PRDM5: variants seen among roughly 807,000 people sequenced by gnomAD.
The protein encoded by PRDM5 is PR/SET domain 5, also known as PR domain zinc finger protein 5.
A neutral mutation model predicts 81.2 loss-of-function variants in PRDM5; 56 were observed. The observed-to-expected ratio is 0.69, with a 90% confidence interval of 0.56 to 0.86. The LOEUF is 0.86. PRDM5 is among the 40% of genes least tolerant of loss of function. The pLI, the probability that PRDM5 is intolerant of heterozygous loss-of-function variation, is 0.00. For synonymous variants in PRDM5, 267 were observed against 256.4 expected, an observed-to-expected ratio of 1.04 and a Z score of -0.39; for missense variants, 697 against 770.1, an observed-to-expected ratio of 0.91 and a Z score of 1.12.
intron 15 of PRDM5, among the ~76,000 whole-genome samples, chr4:120,704,370 T>C (rs1426680569): frequency 2.6e-5 from 4 of 152,186 alleles, no homozygotes; most frequent in Non-Finnish European, 4.4e-5. Context: ...AAAAACTAGT[T>C]CAAGTAGTAC....
chr4:120,701,594 A>G (rs979852741), intron 15 of PRDM5, among the ~76,000 whole-genome samples: 2 of 152,176 alleles, frequency 1.3e-5, no homozygotes, highest in Non-Finnish European at 2.9e-5. Context: ...AAAACCAAAT[A>G]CTGCATATTC....
chr4:120,731,432 G>T (rs1245772964), intron 14 of PRDM5, among the ~76,000 whole-genome samples: 1 of 151,040 alleles, frequency 6.6e-6, no homozygotes, highest in Admixed American at 6.6e-5. Flanking sequence ...CAGCAGAGAA[G>T]GAGATGTCAG....
chr4:120,919,300 GA>G (rs1219240199), intron 1 of PRDM5, among the ~76,000 whole-genome samples: 98 of 152,276 alleles, frequency 6.4e-4, no homozygotes, highest in African/African-American at 2.2e-3. Context: ...GCTCCTTGCA[GA>G]AAAAGACCTT....
chr4:120,690,045 G>A (rs992309184), downstream of PRDM5, among the ~76,000 whole-genome samples: 2 of 152,038 alleles, frequency 1.3e-5, no homozygotes, highest in African/African-American at 4.8e-5. Context: ...TGCCTACACA[G>A]AATGAGAACT....
At chr4:120,708,754 T>C (rs1029330532) in intron 15 of PRDM5, among the ~76,000 whole-genome samples, 1 of 152,054 alleles carries the variant, frequency 6.6e-6, no homozygotes, top group Non-Finnish European at 1.5e-5. Context: ...GTGTTACAAG[T>C]AGAAATGAAA....
At chr4:120,757,885 C>CCTTCTCCTTCTTCTT (rs141417628) in intron 13 of PRDM5, among the ~76,000 whole-genome samples, 3 of 150,984 alleles carry the variant, frequency 2.0e-5, no homozygotes, top group Admixed American at 1.3e-4. Flanking sequence ...CTTCTCTTCT[C>CCTTCTCCTTCTTCTT]CTTCTTCTTC....
intron 8 of PRDM5, among the ~76,000 whole-genome samples, chr4:120,803,676 C>G (rs1411940939): frequency 6.6e-6 from 1 of 152,186 alleles, no homozygotes; most frequent in African/African-American, 2.4e-5. Context: ...CACCACCAGG[C>G]CTGCCCTACA....
intron 8 of PRDM5, chr4:120,810,623 GTT>G (rs1578832392): frequency 1.3e-5 from 2 of 151,642 alleles, no homozygotes; most frequent in East Asian, 3.9e-4. Flanking sequence ...AAAAAAAGTA[GTT>G]TCATGGTACA....
chr4:120,720,541 G>A (rs769608695), intron 14 of PRDM5, among the ~76,000 whole-genome samples: 4 of 152,142 alleles, frequency 2.6e-5, no homozygotes, highest in African/African-American at 4.8e-5. Context: ...CCCACAGTAC[G>A]GCATGCCATA....
At chr4:120,787,261 G>A (rs1749891057) in intron 10 of PRDM5, among the ~76,000 whole-genome samples, 1 of 152,094 alleles carries the variant, frequency 6.6e-6, no homozygotes, top group Non-Finnish European at 1.5e-5. Flanking sequence ...CATCACGGAA[G>A]CCAGTGTGGT....
intron 14 of PRDM5, among the ~76,000 whole-genome samples, chr4:120,746,608 C>G (rs1249063069): frequency 7.2e-6 from 1 of 139,236 alleles, no homozygotes; most frequent in Non-Finnish European, 1.6e-5. Flanking sequence ...ACAACCCCAT[C>G]AAAAAGTGGG....
chr4:120,798,481 G>A (rs1364695214), intron 9 of PRDM5, 57 bp from the exon 10 acceptor site: 4 of 1,460,990 alleles, frequency 2.7e-6, no homozygotes, highest in Non-Finnish European at 3.8e-6. Flanking sequence ...AAGGATAAAA[G>A]AGAAAACACC....
chr4:120,799,527 T>G, intron 9 of PRDM5, 134 bp downstream of exon 9: 1 of 1,359,520 alleles, frequency 7.4e-7, no homozygotes, highest in Non-Finnish European at 9.8e-7. Context: ...TTGTTCAGAA[T>G]CACATGACTA....
At chr4:120,882,819 T>C (rs976789892) in intron 2 of PRDM5, among the ~76,000 whole-genome samples, 3 of 152,226 alleles carry the variant, frequency 2.0e-5, no homozygotes, top group African/African-American at 7.2e-5. Flanking sequence ...GTGATAGATA[T>C]AATTTTCAAA....
intron 10 of PRDM5, among the ~76,000 whole-genome samples, chr4:120,788,289 A>G (rs1750057088): frequency 6.6e-6 from 1 of 152,210 alleles, no homozygotes; most frequent in South Asian, 2.1e-4. Context: ...CATGCATATC[A>G]TACTTTAGGT....
chr4:120,894,272 C>T (rs1482079251), intron 2 of PRDM5, among the ~76,000 whole-genome samples: 7 of 152,134 alleles, frequency 4.6e-5, no homozygotes, highest in African/African-American at 1.7e-4. Flanking sequence ...ACAGTTACTT[C>T]CCTCCAGCCA....
chr4:120,838,088 C>A (rs1334063304), intron 3 of PRDM5: 1 of 152,154 alleles, frequency 6.6e-6, no homozygotes, highest in East Asian at 1.9e-4. Context: ...ATTCTTATAT[C>A]TACTTTCTAG....
Position 120,799,663 on chromosome 4 carries a change from G to A in PRDM5, c.1028C>T (p.Ser343Leu). ...AACAAAAAAAGTATATAGTTTACCT[G>A]AGTGGGTGATCATATGACGTTTTAG... The part of the protein sequence containing the change: ...NQLKRHMITH[S>L]EKRPYNCEIC... The change falls in exon 9 of 16, where the codon TCA becomes TTA. Residue 343 changes from serine to leucine, a missense_variant and splice_region_variant. Around this residue, in one of 3 missense-constraint regions of PRDM5, gnomAD observed 577 missense variants for 606.7 expected, o/e 0.95. Transcript: ENST00000264808. 6.2e-7 allele frequency: 1 copy of A among 1,612,296 alleles called. No homozygotes were observed. The highest frequency in any genetic ancestry group is 1.7e-5 in the Admixed American group (1 of 59,968).
At chr4:120,904,196 A>AAAAAAAAC in intron 2 of PRDM5, among the ~76,000 whole-genome samples, 1 of 145,072 alleles carries the variant, frequency 6.9e-6, no homozygotes, top group Non-Finnish European at 1.5e-5. Context: ...TCTCAAAAAA[A>AAAAAAAAC]AAAAAAAAAC....
Sources: gnomAD v4.1 joint callset for allele counts (sites outside exome capture counted in the v4.1 genomes callset) on GRCh38, gnomAD v4.1.1 for gene constraint, gnomAD v4.1.1 regional missense constraint, MANE v1.5 for transcripts, NCBI Gene and HGNC (gene_info 2026-07-23, HGNC 2026-07-21) for gene names.